Variants in IFNAR2 observed in about 807,000 individuals in gnomAD.
IFNAR2 encodes interferon alpha/beta receptor 2.
Under a neutral mutation model 49.4 loss-of-function variants are expected in IFNAR2, and 30 were observed. The ratio of observed to expected loss-of-function variants is 0.61; its 90% CI spans 0.45 to 0.82. IFNAR2 has a LOEUF of 0.82. Among genes scored for constraint, IFNAR2 ranks in the 40% least tolerant of loss-of-function variants. IFNAR2 has a pLI of 0.00. For synonymous variants in IFNAR2, 224 were observed against 234.5 expected, an observed-to-expected ratio of 0.96 and a Z score of 0.41; for missense variants, 600 against 622.7, an observed-to-expected ratio of 0.96 and a Z score of 0.39.
intron 1 of IFNAR2, among the ~76,000 whole-genome samples, chr21:33,235,284 G>T (rs1020372721): frequency 6.6e-6 from 1 of 152,168 alleles, no homozygotes; most frequent in African/African-American, 2.4e-5. Context: ...CAGCCCAGCA[G>T]GTCTCAGCCT....
rs532465072 is a variant in IFNAR2 at position 33,247,230 on chromosome 21, TTTTC to T, written c.394+364_394+367del. On this transcript the variant is annotated intron_variant, in intron 5 of 8. Transcript: ENST00000342136. ...GCGCTCTCATCTCTCTGGCCCAGGA[TTTTC>T]TTTCTTTCTTTCTTTCTTTCTTTTT... is the stretch of plus-strand genomic sequence containing the variant. 3.9e-4 allele frequency among the ~76,000 whole-genome samples: 54 copies of T among 137,836 alleles called. 3 individuals carry two copies. The East Asian group carries it at 6.2e-3, about 16-fold the overall frequency. 90.4% of individuals were successfully genotyped at this position (137,836 alleles called of 152,430 possible).
intron 4 of IFNAR2, among the ~76,000 whole-genome samples, chr21:33,246,174 C>T (rs1987385873): frequency 6.6e-6 from 1 of 152,002 alleles, no homozygotes; most frequent in Admixed American, 6.5e-5. Flanking sequence ...GGGTTCACGC[C>T]ATTCTCCTGC....
chr21:33,232,506 A>G (rs1020239771), intron 1 of IFNAR2, among the ~76,000 whole-genome samples: 3 of 152,196 alleles, frequency 2.0e-5, no homozygotes, highest in African/African-American at 7.2e-5. Flanking sequence ...GGAGATATCC[A>G]TCAGCATTGT....
chr21:33,249,660 G>A (rs985362535), intron 6 of IFNAR2, among the ~76,000 whole-genome samples: 2 of 152,148 alleles, frequency 1.3e-5, no homozygotes, highest in Non-Finnish European at 2.9e-5. Context: ...GTTGTCCCTA[G>A]CCCTCCAAAT....
chr21:33,257,274 G>A (rs545498593), intron 7 of IFNAR2, among the ~76,000 whole-genome samples: 1 of 152,328 alleles, frequency 6.6e-6, no homozygotes, highest in East Asian at 1.9e-4. Context: ...CTGACTTCAA[G>A]AATGGAGCCG....
chr21:33,253,662 A>G (rs1183724390), intron 7 of IFNAR2, among the ~76,000 whole-genome samples: 1 of 152,230 alleles, frequency 6.6e-6, no homozygotes, highest in East Asian at 1.9e-4. Flanking sequence ...CTATAGACAG[A>G]GCAGCCCCGA....
intron 1 of IFNAR2, among the ~76,000 whole-genome samples, chr21:33,240,180 G>A (rs370233493): frequency 6.6e-6 from 1 of 152,166 alleles, no homozygotes; most frequent in Non-Finnish European, 1.5e-5. Flanking sequence ...CCCTAATGAT[G>A]TCTTGGGCAA....
intron 5 of IFNAR2, among the ~76,000 whole-genome samples, chr21:33,247,246 C>CT (rs71194830): frequency 0.12 from 11,492 of 97,858 alleles, 856 homozygotes; most frequent in Non-Finnish European, 0.15. Context: ...TTCTTTCTTT[C>CT]TTTCTTTCTT....
intron 3 of IFNAR2, among the ~76,000 whole-genome samples, chr21:33,244,083 A>AT (rs1343084300): frequency 2.6e-5 from 4 of 151,662 alleles, no homozygotes; most frequent in Non-Finnish European, 2.9e-5. Context: ...AAGGACAATA[A>AT]TTTTTTTTTA....
chr21:33,247,836 G>T (rs554808553), intron 5 of IFNAR2, among the ~76,000 whole-genome samples: 1 of 152,304 alleles, frequency 6.6e-6, no homozygotes. Flanking sequence ...GGGTGTGCAC[G>T]TGCTCATACA....
intron 1 of IFNAR2, among the ~76,000 whole-genome samples, chr21:33,233,947 A>T (rs1262887977): frequency 2.6e-5 from 4 of 152,106 alleles, no homozygotes; most frequent in South Asian, 2.1e-4. Flanking sequence ...GGAAGGAAAC[A>T]TGAGAATACC....
At chr21:33,248,011 T>G (rs1356056727) in intron 5 of IFNAR2, among the ~76,000 whole-genome samples, 2 of 152,234 alleles carry the variant, frequency 1.3e-5, no homozygotes, top group East Asian at 3.8e-4. Context: ...GTATTTGGGT[T>G]GTTAAAGAAT....
At chr21:33,247,230 TTTTCTTTCTTTC>T (rs532465072) in intron 5 of IFNAR2, among the ~76,000 whole-genome samples, 1 of 137,780 alleles carries the variant, frequency 7.3e-6, no homozygotes, top group African/African-American at 2.7e-5. Context: ...TGGCCCAGGA[TTTTCTTTCTTTC>T]TTTCTTTCTT....
rs1988851086 is a variant in IFNAR2 at position 33,264,560 on chromosome 21, AAGTATGGTATACAAGTTTC to A, written c.*1063_*1081del. 1 of 151,650 alleles carries A rather than the reference AAGTATGGTATACAAGTTTC, an allele frequency of 6.6e-6. No homozygotes were observed. Among genetic ancestry groups the A allele is most frequent in the Non-Finnish European group, 1.5e-5 (1 of 67,942 alleles). 9.4% of individuals were successfully genotyped at this position (151,650 alleles called of 1,614,324 possible). A position where few individuals can be genotyped will look rare whatever the true frequency, so the allele number is the denominator to read the frequency against. The stretch of plus-strand genomic sequence containing the variant: ...AAAGATGCTTCAAGATCTTCAGGAG[AAGTATGGTATACAAGTTTC>A]AGGGACCCTATTTGACAATTTTCAG... On this transcript the variant is annotated 3_prime_UTR_variant, in exon 9 of 9. Transcript: ENST00000342136.
rs538120761 is a variant in IFNAR2 at position 33,265,574 on chromosome 21, A to T, written c.*2074A>T. 122 of 179,530 alleles carry T rather than the reference A, an allele frequency of 6.8e-4. 1 individual carries two copies. In the East Asian group the frequency reaches 0.019, roughly 28 times the overall value. 11.1% of individuals were successfully genotyped at this position (179,530 alleles called of 1,614,324 possible). Reference sequence around the variant, plus strand: ...TTTTGCGATAACCTCTATGGCTGTGAGTGTGTGTGTGTGTTTGTGTATTTT... The same window carrying T: ...TTTTGCGATAACCTCTATGGCTGTGTGTGTGTGTGTGTGTTTGTGTATTTT... On this transcript the variant is annotated 3_prime_UTR_variant, in exon 9 of 9. Transcript: ENST00000342136.
At chr21:33,253,543 C>T (rs912560554) in intron 7 of IFNAR2, among the ~76,000 whole-genome samples, 3 of 152,132 alleles carry the variant, frequency 2.0e-5, no homozygotes, top group African/African-American at 4.8e-5. Context: ...AGGTCCCAAT[C>T]CATACCCCAA....
In IFNAR2 at chr21:33,248,809, T is replaced by G. The variant is rs957476911; in HGVS notation, c.495T>G (p.Asp165Glu). 1 of 1,610,470 alleles carries G rather than the reference T, an allele frequency of 6.2e-7. No individual in the cohort carries two copies. Among genetic ancestry groups the G allele is most frequent in the East Asian group, 2.2e-5 (1 of 44,474 alleles). ...PSIVEEELQF[D>E]LSLVIEEQSE... ...TTGTTGAGGAAGAATTACAGTTTGA[T>G]TTATCTCTCGTCATTGAAGAACAGT... The change falls in exon 6 of 9, where the codon GAT (aspartate) becomes GAG (glutamate). Residue 165 changes from aspartate to glutamate, a missense_variant. By Grantham distance (45) the Asp-to-Glu change is conservative. Transcript: ENST00000342136.
chr21:33,246,363 CCCGGCTCCT>C (rs1224240492), intron 4 of IFNAR2, among the ~76,000 whole-genome samples: 1 of 152,228 alleles, frequency 6.6e-6, no homozygotes, highest in Non-Finnish European at 1.5e-5. Flanking sequence ...AGCCACTGCA[CCCGGCTCCT>C]CCGGCAAGTT....
At chr21:33,259,737 C>T (rs192883441) in intron 7 of IFNAR2, among the ~76,000 whole-genome samples, 11 of 152,298 alleles carry the variant, frequency 7.2e-5, no homozygotes, top group Admixed American at 5.9e-4. Context: ...ATATGACAAT[C>T]CAATCCTTCA....
Sources: allele counts gnomAD v4.1 joint callset (sites outside exome capture counted in the v4.1 genomes callset), GRCh38; gene constraint gnomAD v4.1.1; transcripts MANE v1.5; gene names NCBI Gene and HGNC (gene_info 2026-07-23, HGNC 2026-07-21).